RCAN2: variants seen among roughly 807,000 people sequenced by gnomAD.
RCAN2 encodes the protein regulator of calcineurin 2.
In RCAN2, 9 loss-of-function variants were observed where a neutral mutation model predicts 23.6. That is an observed-to-expected ratio of 0.38 (90% CI 0.23 to 0.67). The LOEUF (loss-of-function observed/expected upper bound fraction) is 0.67, where lower values mean the gene tolerates loss of function less well. RCAN2 is among the 30% of genes least tolerant of loss of function. The pLI is 0.51. For missense variants in RCAN2, 273 were observed against 302.3 expected (o/e 0.90, Z 0.72); for synonymous variants, 109 against 115.7 (o/e 0.94, Z 0.37).
At chr6:46,349,707 A>T (rs1313197904) in intron 2 of RCAN2, among the ~76,000 whole-genome samples, 1 of 152,164 alleles carries the variant, frequency 6.6e-6, no homozygotes, top group South Asian at 2.1e-4. Context: ...CCATCAAAGA[A>T]AATCTCAGAT....
At chr6:46,489,972 C>A (rs1309008174) in intron 1 of RCAN2, among the ~76,000 whole-genome samples, 1 of 152,224 alleles carries the variant, frequency 6.6e-6, no homozygotes, top group Admixed American at 6.5e-5. Flanking sequence ...CAATGCTGAC[C>A]TGCCTCTTGA....
intron 2 of RCAN2, among the ~76,000 whole-genome samples, chr6:46,320,483 T>C (rs1763577899): frequency 6.6e-6 from 1 of 152,194 alleles, no homozygotes; most frequent in African/African-American, 2.4e-5. Flanking sequence ...TGCTGGTCTT[T>C]TTCATAACTC....
At chr6:46,238,556 A>G (rs1487586354) in intron 4 of RCAN2, among the ~76,000 whole-genome samples, 1 of 151,966 alleles carries the variant, frequency 6.6e-6, no homozygotes, top group Non-Finnish European at 1.5e-5. Context: ...CATTTAAATT[A>G]TTTTTTTATT....
At chr6:46,243,996 T>A (rs1766419488) in intron 4 of RCAN2, among the ~76,000 whole-genome samples, 1 of 152,076 alleles carries the variant, frequency 6.6e-6, no homozygotes, top group African/African-American at 2.4e-5. Flanking sequence ...GGGTTTGAAA[T>A]CTGACGATGT....
chr6:46,424,765 C>T lies in RCAN2; in HGVS notation c.225+31987G>A, dbSNP rs570544239. The stretch of plus-strand genomic sequence containing the variant: ...CAGAATGGAGATAATGTATCTTCCA[C>T]CCAGGGATTCTGGGAATACTATAGA... On this transcript the variant is annotated intron_variant, in intron 2 of 4. Coordinates refer to ENST00000371374, the MANE Select transcript of RCAN2 (RefSeq NM_001251974.2). 7.9e-5 allele frequency among the ~76,000 whole-genome samples: 12 copies of T among 152,192 alleles called. No individual in the cohort carries two copies. In the South Asian group the frequency reaches 2.3e-3, roughly 29 times the overall value.
chr6:46,290,280 G>A (rs189953003), intron 2 of RCAN2, among the ~76,000 whole-genome samples: 190 of 152,190 alleles, frequency 1.2e-3, no homozygotes, highest in Admixed American at 7.7e-3. Context: ...ATGAACTAAT[G>A]TAAATTAGAA....
intron 2 of RCAN2, among the ~76,000 whole-genome samples, chr6:46,365,476 C>CG (rs1765142766): frequency 1.5e-5 from 1 of 68,096 alleles, no homozygotes; most frequent in Non-Finnish European, 3.4e-5. Flanking sequence ...AACTCCATCT[C>CG]AAAAAAGAAA....
rs6919525 is a variant in RCAN2 at position 46,358,917 on chromosome 6, G to A, written c.225+97835C>T. 3.3e-3 allele frequency among the ~76,000 whole-genome samples: 503 copies of A among 152,286 alleles called. 2 individuals carry two copies. The highest frequency in any genetic ancestry group is 0.012 in the African/African-American group (486 of 41,566). On this transcript the variant is annotated intron_variant, in intron 2 of 4. Coordinates refer to ENST00000371374, the MANE Select transcript of RCAN2 (RefSeq NM_001251974.2). ...GATTCCAATATGCAGCCAGGGTGGA[G>A]AACCACTAAACTAGGTGACGTCTGG...
intron 2 of RCAN2, among the ~76,000 whole-genome samples, chr6:46,301,265 T>C (rs1425436012): frequency 6.6e-6 from 1 of 152,098 alleles, no homozygotes; most frequent in Non-Finnish European, 1.5e-5. Flanking sequence ...TTATTCACTC[T>C]GGTCCTTCCC....
At chr6:46,411,415 T>G (rs971016515) in intron 2 of RCAN2, among the ~76,000 whole-genome samples, 18 of 152,188 alleles carry the variant, frequency 1.2e-4, no homozygotes, top group African/African-American at 3.1e-4. Flanking sequence ...TTTATGATCA[T>G]TGCACAACAA....
chr6:46,353,110 A>G (rs913709739), intron 2 of RCAN2, among the ~76,000 whole-genome samples: 1 of 152,120 alleles, frequency 6.6e-6, no homozygotes, highest in East Asian at 1.9e-4. Context: ...CATGTGTCAC[A>G]TGTGTAGAAA....
At chr6:46,295,293 CAGA>C (rs1762691650) in intron 2 of RCAN2, among the ~76,000 whole-genome samples, 1 of 152,072 alleles carries the variant, frequency 6.6e-6, no homozygotes, top group Non-Finnish European at 1.5e-5. Context: ...GAGACAGAGA[CAGA>C]AGCCATCAGC....
intron 1 of RCAN2, among the ~76,000 whole-genome samples, chr6:46,480,025 T>A (rs1768813359): frequency 6.6e-6 from 1 of 152,148 alleles, no homozygotes; most frequent in African/African-American, 2.4e-5. Context: ...CAAACTGGAT[T>A]GCAAATATAA....
At chr6:46,335,051 T>C (rs1764096776) in intron 2 of RCAN2, among the ~76,000 whole-genome samples, 2 of 152,156 alleles carry the variant, frequency 1.3e-5, no homozygotes, top group South Asian at 4.1e-4. Flanking sequence ...CTTCTCCTTC[T>C]CCTCCCATAT....
At chr6:46,445,358 G>C (rs911351034) in intron 2 of RCAN2, among the ~76,000 whole-genome samples, 4 of 152,286 alleles carry the variant, frequency 2.6e-5, no homozygotes, top group Admixed American at 2.0e-4. Context: ...AGGATAGCCT[G>C]CCCAAGGACT....
At chr6:46,260,159 C>T (rs1314646924) in intron 2 of RCAN2, among the ~76,000 whole-genome samples, 2 of 152,176 alleles carry the variant, frequency 1.3e-5, no homozygotes. Flanking sequence ...CTAACCCCAT[C>T]CTGAGGCCAC....
chr6:46,484,843 A>C (rs1423298935), intron 1 of RCAN2, among the ~76,000 whole-genome samples: 1 of 152,176 alleles, frequency 6.6e-6, no homozygotes, highest in African/African-American at 2.4e-5. Context: ...TCCTTGAACC[A>C]ATTGTTAGGC....
chr6:46,388,222 T>G (rs572528750), intron 2 of RCAN2, among the ~76,000 whole-genome samples: 38 of 152,036 alleles, frequency 2.5e-4, no homozygotes, highest in African/African-American at 8.9e-4. Context: ...CTGCACGTTG[T>G]GCACATGTAC....
intron 1 of RCAN2, among the ~76,000 whole-genome samples, chr6:46,457,630 C>T (rs1768079285): frequency 1.3e-5 from 2 of 152,090 alleles, no homozygotes; most frequent in South Asian, 4.1e-4. Flanking sequence ...GGTAATAGTT[C>T]ATCCTGTGAG....
Sources: gnomAD v4.1 joint callset for allele counts (sites outside exome capture counted in the v4.1 genomes callset) on GRCh38, gnomAD v4.1.1 for gene constraint, MANE v1.5 for transcripts, NCBI Gene and HGNC (gene_info 2026-07-23, HGNC 2026-07-21) for gene names.